The following STS variants were observed in gnomAD, a reference collection of about 807,000 sequenced individuals.
STS encodes the protein steryl-sulfatase.
Under a neutral mutation model 26.8 loss-of-function variants are expected in STS, and 7 were observed. The observed-to-expected ratio is 0.26, with a 90% CI of 0.15 to 0.49. The LOEUF (loss-of-function observed/expected upper bound fraction) is 0.49, where lower values mean the gene tolerates loss of function less well. Ranked by LOEUF, STS falls within the 20% of genes least tolerant of loss-of-function variation. The pLI is 0.98. For missense variants in STS, 434 were observed against 465.6 expected (o/e 0.93, Z 0.63); for synonymous variants, 199 against 189.4 (o/e 1.05, Z -0.42).
chrX:7,338,362 A>G (rs955504558), intron 10 of STS, among the ~76,000 whole-genome samples: 1 of 112,129 alleles, frequency 8.9e-6, no homozygotes, highest in African/African-American at 3.2e-5. Context: ...AGCTGGTCAT[A>G]CCAAAATCCA....
intron 6 of STS, among the ~76,000 whole-genome samples, chrX:7,263,162 G>A (rs1460862398): frequency 2.7e-5 from 3 of 111,208 alleles, no homozygotes; most frequent in Admixed American, 9.5e-5. Context: ...TCCCCCTCCC[G>A]GGTTTCAGTG....
At chrX:7,225,282 G>A (rs1251822105) in intron 2 of STS, among the ~76,000 whole-genome samples, 1 of 111,767 alleles carries the variant, frequency 8.9e-6, no homozygotes, top group Non-Finnish European at 1.9e-5. Context: ...TTGTGCTGGA[G>A]GTCCCCAGGT....
intron 7 of STS, among the ~76,000 whole-genome samples, chrX:7,290,897 C>T (rs1301535529): frequency 8.9e-6 from 1 of 111,792 alleles, no homozygotes; most frequent in East Asian, 2.8e-4. Context: ...AGCCTTCACA[C>T]AGAGCTTTTG....
intron 8 of STS, among the ~76,000 whole-genome samples, chrX:7,306,556 G>A (rs771045821): frequency 8.9e-6 from 1 of 112,111 alleles, no homozygotes; most frequent in Non-Finnish European, 1.9e-5. Flanking sequence ...TTCCCTGAAG[G>A]AAGTCATGTT....
rs180773863 is a variant in STS, at chrX:7,327,639, C to T, written c.1241+2141C>T. On this transcript the variant is annotated intron_variant, in intron 9 of 10. Transcript: ENST00000674429. ...AGCTCAAGAAATCCTCCTGCCTCGACCTCCCAAAGTGCTGGGATTACAGGC... is the reference window on the plus strand; with the variant it reads ...AGCTCAAGAAATCCTCCTGCCTCGATCTCCCAAAGTGCTGGGATTACAGGC... Among the ~76,000 whole-genome samples, 632 of 111,100 alleles carry T rather than the reference C, an allele frequency of 5.7e-3. 1 individual carries two copies. Among genetic ancestry groups the T allele is most frequent in the Non-Finnish European group, 8.3e-3 (443 of 53,056 alleles).
At chrX:7,246,317 A>G (rs1490727743) in intron 2 of STS, among the ~76,000 whole-genome samples, 3 of 104,364 alleles carry the variant, frequency 2.9e-5, no homozygotes, top group African/African-American at 1.1e-4. Context: ...GCTGGAGTGC[A>G]GTGAGACGGA....
intron 5 of STS, among the ~76,000 whole-genome samples, chrX:7,258,166 GAGAT>G (rs201734786): frequency 0.015 from 1,588 of 105,812 alleles, 26 homozygotes; most frequent in African/African-American, 0.046. Context: ...GGACAAAGAT[GAGAT>G]AGATAGATAG....
intron 2 of STS, among the ~76,000 whole-genome samples, chrX:7,241,818 G>A (rs978204617): frequency 8.0e-5 from 9 of 112,181 alleles, no homozygotes; most frequent in Non-Finnish European, 1.5e-4. Context: ...TACTTCAGGT[G>A]TCATGGCTGT....
chrX:7,190,115 A>C (rs1363060924), intron 1 of STS, among the ~76,000 whole-genome samples: 1 of 110,639 alleles, frequency 9.0e-6, no homozygotes, highest in African/African-American at 3.3e-5. Flanking sequence ...TATTATTATT[A>C]CATTGTAATA....
rs113419040 is a variant in STS at position 7,317,454 on chromosome X, GGTTTGTTT to G, written c.1082-7860_1082-7853del. ...AGAGTTATCTGTGGGCATATCTTTT[GGTTTGTTT>G]GTTTGTTTGTTTGTTTGTTTGTTTA... On this transcript the variant is annotated intron_variant, in intron 8 of 10. Transcript: ENST00000674429. 2.3e-4 allele frequency among the ~76,000 whole-genome samples: 25 copies of G among 109,848 alleles called. No homozygotes were observed. The East Asian group carries it at 2.9e-3, about 13-fold the overall frequency.
chrX:7,313,420 A>G (rs932637348), intron 8 of STS, among the ~76,000 whole-genome samples: 6 of 112,144 alleles, frequency 5.4e-5, no homozygotes, highest in African/African-American at 1.9e-4. Flanking sequence ...GCTTTCTGAG[A>G]GCAATTGATA....
intron 2 of STS, among the ~76,000 whole-genome samples, chrX:7,241,051 C>T (rs1356559595): frequency 9.0e-6 from 1 of 111,443 alleles, no homozygotes; most frequent in African/African-American, 3.3e-5. Context: ...ACCTCTTCTC[C>T]ACCTCACAGT....
At chrX:7,292,081 C>G (rs1925447529) in intron 7 of STS, among the ~76,000 whole-genome samples, 1 of 112,495 alleles carries the variant, frequency 8.9e-6, no homozygotes, top group Non-Finnish European at 1.9e-5. Context: ...TTGAGAAAAA[C>G]GATTTTGTTT....
chrX:7,191,452 C>T, intron 2 of STS, among the ~76,000 whole-genome samples: 1 of 112,340 alleles, frequency 8.9e-6, no homozygotes, highest in Admixed American at 9.3e-5. Flanking sequence ...GCTCACAGTA[C>T]ACCTGTTCTC....
intron 8 of STS, among the ~76,000 whole-genome samples, chrX:7,306,533 A>G (rs1290354925): frequency 8.9e-6 from 1 of 112,271 alleles, no homozygotes; most frequent in Non-Finnish European, 1.9e-5. Context: ...CAGTAAATAT[A>G]TAACATGGTG....
chrX:7,291,386 T>A (rs5978405), intron 7 of STS, among the ~76,000 whole-genome samples: 39,152 of 110,640 alleles, frequency 0.35, 5,163 homozygotes, highest in East Asian at 0.4. Context: ...ACAACAGGAT[T>A]CTGTAAGTCA....
At position 7,266,062 on chromosome X, in the gene STS, G is replaced by A. The variant is rs1360944439; in HGVS notation, c.806+6290G>A. 5.4e-5 allele frequency among the ~76,000 whole-genome samples: 6 copies of A among 112,043 alleles called. No homozygotes were observed. In the South Asian group the frequency reaches 1.1e-3, roughly 21 times the overall value. ...GAAATGGAGGTAGAGTTATTCAGCAGCCGAAAAAGGAATGCCTGATCAAAG... is the reference window on the plus strand; with the variant it reads ...GAAATGGAGGTAGAGTTATTCAGCAACCGAAAAAGGAATGCCTGATCAAAG... On this transcript the variant is annotated intron_variant, in intron 6 of 10. Coordinates refer to ENST00000674429, the MANE Select transcript of STS (RefSeq NM_001320752.2).
At chrX:7,209,500 TG>T in intron 2 of STS, among the ~76,000 whole-genome samples, 1 of 105,495 alleles carries the variant, frequency 9.5e-6, no homozygotes, top group African/African-American at 3.4e-5. Context: ...TTAAAATATA[TG>T]ATTAAAAATG....
intron 2 of STS, among the ~76,000 whole-genome samples, chrX:7,248,674 TTG>T (rs1491576465): frequency 9.0e-6 from 1 of 111,464 alleles, no homozygotes; most frequent in Non-Finnish European, 1.9e-5. Flanking sequence ...AGAATTTTTC[TTG>T]TTTTTTTAAG....
Sources: allele counts gnomAD v4.1 joint callset (sites outside exome capture counted in the v4.1 genomes callset), GRCh38; gene constraint gnomAD v4.1.1; transcripts MANE v1.5; gene names NCBI Gene and HGNC (gene_info 2026-07-23, HGNC 2026-07-21).